DYNC1H1: variants seen among roughly 807,000 people sequenced by gnomAD.
DYNC1H1 encodes the protein dynein cytoplasmic 1 heavy chain 1, also known as cytoplasmic dynein 1 heavy chain 1.
In DYNC1H1, 51 loss-of-function variants were observed where a neutral mutation model predicts 527.1. The observed-to-expected ratio is 0.10, with a 90% CI of 0.08 to 0.12. The LOEUF is 0.12. DYNC1H1 is among the 10% of genes least tolerant of loss of function. The pLI, the probability that DYNC1H1 is intolerant of heterozygous loss-of-function variation, is 1.00. For missense variants in DYNC1H1, 2,771 were observed against 5,971.8 expected (o/e 0.46, Z 17.66); for synonymous variants, 2,189 against 2,278.8 (o/e 0.96, Z 1.12).
In DYNC1H1 at chr14:102,011,754, G is replaced by GAAAA; in HGVS notation, c.6619-111_6619-108dup. On this transcript the variant is annotated intron_variant, in intron 32 of 77. Coordinates refer to ENST00000360184, the MANE Select transcript of DYNC1H1 (RefSeq NM_001376.5). This position sits in a 1 kb window ranked among gnomAD's most constrained non-coding sequence, Gnocchi z 5.3. ...GTGACAGAGAGAGACTCCGTTTCAG[G>GAAAA]AAAAAAAAAAAAATCCACACATAAT... 1 of 954,400 alleles carries GAAAA rather than the reference G, an allele frequency of 1.0e-6. No individual in the cohort carries two copies. Among genetic ancestry groups the GAAAA allele is most frequent in the Non-Finnish European group, 1.6e-6 (1 of 639,948 alleles). The allele number at this position is 954,400 out of a possible 1,614,324, so 59.1% of individuals were successfully genotyped here.
rs1338673047 is a variant in DYNC1H1, at chr14:101,979,040, G to C, written c.345-279G>C. 6.6e-6 allele frequency among the ~76,000 whole-genome samples: 1 copy of C among 152,206 alleles called. No homozygotes were observed. The highest frequency in any genetic ancestry group is 2.4e-5 in the African/African-American group (1 of 41,444). On this transcript the variant is annotated intron_variant, in intron 2 of 77. Transcript: ENST00000360184. The surrounding 1 kb of genome is among the most constrained non-coding windows in gnomAD (Gnocchi z 4.6). ...AATGTTACACATTAGTGTAAGATCA[G>C]ATTTAAGTACTACTTATATTTCTAG...
intron 9 of DYNC1H1, among the ~76,000 whole-genome samples, chr14:101,988,065 TCA>T (rs963105024): frequency 6.6e-6 from 1 of 151,568 alleles, no homozygotes; most frequent in Non-Finnish European, 1.5e-5. Context: ...TGAGACCCTG[TCA>T]CACACACACA....
In DYNC1H1 at chr14:102,052,536, G is replaced by C. The variant is rs1317537515; in HGVS notation, c.*1973G>C. On this transcript the variant is annotated 3_prime_UTR_variant, in exon 78 of 78. Transcript: ENST00000360184. The stretch of plus-strand genomic sequence containing the variant: ...GACTGAGTCTGCTCACCTTGGATTA[G>C]GCCACCTACTGCTTCTTCCTCTTCC... The C allele has an allele frequency of 2.6e-5, 4 of 152,306 alleles. No homozygotes were observed. Among genetic ancestry groups the C allele is most frequent in the Admixed American group, 1.3e-4 (2 of 15,284 alleles). The allele number at this position is 152,306 out of a possible 1,614,324, so 9.4% of individuals were successfully genotyped here.
chr14:102,020,450 C>T lies in DYNC1H1; in HGVS notation c.8507+394C>T, dbSNP rs549206420. On this transcript the variant is annotated intron_variant, in intron 42 of 77. Transcript: ENST00000360184. This position sits in a 1 kb window ranked among gnomAD's most constrained non-coding sequence, Gnocchi z 4.3. ...GCTGCCTGTGATAACCTTACCAGAG[C>T]ACGGGTTCACTGCTGAGTTAAAAGG... 2.6e-5 allele frequency among the ~76,000 whole-genome samples: 4 copies of T among 152,090 alleles called. No individual in the cohort carries two copies. Among genetic ancestry groups the T allele is most frequent in the Non-Finnish European group, 4.4e-5 (3 of 68,032 alleles).
chr14:102,044,445 T>C lies in DYNC1H1; in HGVS notation c.12856T>C (p.Cys4286Arg), dbSNP rs1219670708. 3.1e-6 allele frequency: 5 copies of C among 1,614,210 alleles called. No homozygotes were observed. The highest frequency in any genetic ancestry group is 4.2e-6 in the Non-Finnish European group (5 of 1,180,044). ...TTTCGACAGTGAGTTTAAGCTGGCATGCAAGGTCGACGGACATAAAGACAT... is the reference window on the plus strand; with the variant it reads ...TTTCGACAGTGAGTTTAAGCTGGCACGCAAGGTCGACGGACATAAAGACAT... ...RSFDSEFKLACKVDGHKDIQM... is the reference protein window; with the variant it reads ...RSFDSEFKLARKVDGHKDIQM... The change falls in exon 71 of 78, where the codon TGC becomes CGC. Residue 4286 changes from cysteine to arginine, a missense_variant. Coordinates refer to ENST00000360184, the MANE Select transcript of DYNC1H1 (RefSeq NM_001376.5). The surrounding 1 kb of genome is among the most constrained non-coding windows in gnomAD (Gnocchi z 7.1).
intron 7 of DYNC1H1, among the ~76,000 whole-genome samples, chr14:101,984,443 A>AT (rs1566998423): frequency 1.5e-4 from 17 of 113,472 alleles, no homozygotes; most frequent in South Asian, 7.7e-4. Context: ...ATATATATAT[A>AT]TATTATATTT....
chr14:102,030,714 C>T, intron 51 of DYNC1H1: 1 of 255,348 alleles, frequency 3.9e-6, no homozygotes, highest in South Asian at 4.5e-5. Flanking sequence ...ATAGCAGTCA[C>T]TTCTCTTTTT....
At position 102,017,219 on chromosome 14, in the gene DYNC1H1, G is replaced by A; in HGVS notation, c.7980G>A (p.Val2660=). The A allele has an allele frequency of 6.2e-7, 1 of 1,614,252 alleles. No individual in the cohort carries two copies. Among genetic ancestry groups the A allele is most frequent in the Non-Finnish European group, 8.5e-7 (1 of 1,180,052 alleles). ...CTGTTCAACTTGGAAAGTGGCTGGT[G>A]TTGTTCTGTGATGAAATCAACTTGC... The part of the protein sequence containing the change: ...LAPVQLGKWL[V]LFCDEINLPD... The change falls in exon 39 of 78, where the codon GTG becomes GTA. Residue 2660 remains valine (V), a synonymous_variant. Coordinates refer to ENST00000360184, the MANE Select transcript of DYNC1H1 (RefSeq NM_001376.5). This position sits in a 1 kb window ranked among gnomAD's most constrained non-coding sequence, Gnocchi z 4.6.
Position 101,979,181 on chromosome 14 carries a change from CAT to C in DYNC1H1, c.345-137_345-136del, listed in dbSNP as rs1207170415. 1.5e-5 allele frequency: 12 copies of C among 825,802 alleles called. No individual in the cohort carries two copies. Among genetic ancestry groups the C allele is most frequent in the Admixed American group, 2.5e-5 (1 of 40,326 alleles). 51.2% of individuals were successfully genotyped at this position (825,802 alleles called of 1,614,324 possible). A position where few individuals can be genotyped will look rare whatever the true frequency, so the allele number is the denominator to read the frequency against. Reference sequence around the variant, plus strand: ...ACCATAACCTTGATTCAGTAGCTCTCATGTACTAAAGAAAGACAAGCAGTGCA... The same window carrying C: ...ACCATAACCTTGATTCAGTAGCTCTCGTACTAAAGAAAGACAAGCAGTGCA... On this transcript the variant is annotated intron_variant, in intron 2 of 77. Coordinates refer to ENST00000360184, the MANE Select transcript of DYNC1H1 (RefSeq NM_001376.5). The surrounding 1 kb of genome is among the most constrained non-coding windows in gnomAD (Gnocchi z 4.6).
At position 102,041,727 on chromosome 14, in the gene DYNC1H1, G is replaced by A. The variant is rs1406226969; in HGVS notation, c.12095G>A (p.Gly4032Asp). The A allele has an allele frequency of 6.2e-7, 1 of 1,614,064 alleles. No individual in the cohort carries two copies. Among genetic ancestry groups the A allele is most frequent in the Non-Finnish European group, 8.5e-7 (1 of 1,180,040 alleles). ...EQPLDLTHIV[G>D]TEVKPNTPVL... ...CCGCTCGACCTGACCCACATTGTGG[G>A]CACAGAGGTAATGTCCTGGTACAGC... The change falls in exon 65 of 78, where the codon GGC becomes GAC. Residue 4032 changes from glycine (G) to aspartate (D), a missense_variant. By Grantham distance (94) the Gly-to-Asp change is moderately conservative. Around this residue, in one of 32 missense-constraint regions of DYNC1H1, gnomAD observed 195 missense variants for 428.6 expected, o/e 0.45. Coordinates refer to ENST00000360184, the MANE Select transcript of DYNC1H1 (RefSeq NM_001376.5). This position sits in a 1 kb window ranked among gnomAD's most constrained non-coding sequence, Gnocchi z 4.5.
intron 64 of DYNC1H1, 39 bp downstream of exon 64, chr14:102,040,712 A>T (rs759830591): frequency 6.2e-7 from 1 of 1,612,808 alleles, no homozygotes; most frequent in African/African-American, 1.3e-5. Context: ...ACCTGAATGT[A>T]AAGTTGGGTT....
At position 102,039,339 on chromosome 14, in the gene DYNC1H1, GC is replaced by G; in HGVS notation, c.11461-72del. On this transcript the variant is annotated intron_variant, in intron 60 of 77. Transcript: ENST00000360184. This position sits in a 1 kb window ranked among gnomAD's most constrained non-coding sequence, Gnocchi z 7.0. ...AGAGGCTGGCGGGCCCTGCACAGTAGCTCCTTGGCCACGCAGAAGTTCAGCG... is the reference window on the plus strand; with the variant it reads ...AGAGGCTGGCGGGCCCTGCACAGTAGTCCTTGGCCACGCAGAAGTTCAGCG... 1 of 1,612,894 alleles carries G rather than the reference GC, an allele frequency of 6.2e-7. No homozygotes were observed. The highest frequency in any genetic ancestry group is 8.5e-7 in the Non-Finnish European group (1 of 1,180,024).
chr14:102,050,889 T>G lies in DYNC1H1; in HGVS notation c.*326T>G. On this transcript the variant is annotated 3_prime_UTR_variant, in exon 78 of 78. Transcript: ENST00000360184. Reference sequence around the variant, plus strand: ...GGGCAGCCCACGGCAGCCATGCCCCTCCCCACCTCGCTTTCATCATGAGCT... The same window carrying G: ...GGGCAGCCCACGGCAGCCATGCCCCGCCCCACCTCGCTTTCATCATGAGCT... 1 of 379,970 alleles carries G rather than the reference T, an allele frequency of 2.6e-6. No individual in the cohort carries two copies. The highest frequency in any genetic ancestry group is 8.9e-4 in the Middle Eastern group (1 of 1,118). 23.5% of individuals were successfully genotyped at this position (379,970 alleles called of 1,614,324 possible).
intron 52 of DYNC1H1, 129 bp from the exon 53 acceptor site, chr14:102,032,936 C>T (rs1382624798): frequency 1.1e-6 from 1 of 920,916 alleles, no homozygotes; most frequent in Non-Finnish European, 1.8e-6. Flanking sequence ...CAGTCTAGCT[C>T]ATCCCCAGTG....
chr14:102,049,300 G>A lies in DYNC1H1; in HGVS notation c.13373-140G>A, dbSNP rs953173311. 10 of 1,250,008 alleles carry A rather than the reference G, an allele frequency of 8.0e-6. No homozygotes were observed. Among genetic ancestry groups the A allele is most frequent in the Non-Finnish European group, 1.1e-5 (10 of 882,976 alleles). The allele number at this position is 1,250,008 out of a possible 1,614,324, so 77.4% of individuals were successfully genotyped here. On this transcript the variant is annotated intron_variant, in intron 74 of 77. Transcript: ENST00000360184. This position sits in a 1 kb window ranked among gnomAD's most constrained non-coding sequence, Gnocchi z 5.5. ...GAGGGCGGCGCCAGGGGCATAAAGT[G>A]CAGCCTGGGAAAGGCAGTAGGTGGA...
chr14:102,022,710 G>A, intron 42 of DYNC1H1, 41 bp from the exon 43 acceptor site: 1 of 1,613,606 alleles, frequency 6.2e-7, no homozygotes, highest in East Asian at 2.2e-5. Context: ...TCTTCACCGT[G>A]CCCTCTAGTT....
chr14:101,973,697 G>A (rs1363949336), intron 1 of DYNC1H1, among the ~76,000 whole-genome samples: 1 of 152,138 alleles, frequency 6.6e-6, no homozygotes, highest in Admixed American at 6.6e-5. Flanking sequence ...CCAGCTCTTT[G>A]GGAGGCTGAG....
intron 16 of DYNC1H1, among the ~76,000 whole-genome samples, chr14:101,998,024 A>G (rs1160544751): frequency 6.6e-6 from 1 of 152,250 alleles, no homozygotes; most frequent in Non-Finnish European, 1.5e-5. Flanking sequence ...TGATGTAGAT[A>G]ACAGTGTGTG....
rs2047652590 is a variant in DYNC1H1 at position 101,965,249 on chromosome 14, C to T, written c.256+302C>T. On this transcript the variant is annotated intron_variant, in intron 1 of 77. Coordinates refer to ENST00000360184, the MANE Select transcript of DYNC1H1 (RefSeq NM_001376.5). This position sits in a 1 kb window ranked among gnomAD's most constrained non-coding sequence, Gnocchi z 4.1. ...GGAGGGGAAAGGGGTCCCCGTCTGC[C>T]GTCACCCAAAACAATGGGGTCGCTT... 6.6e-6 allele frequency among the ~76,000 whole-genome samples: 1 copy of T among 152,178 alleles called. No individual in the cohort carries two copies. Among genetic ancestry groups the T allele is most frequent in the African/African-American group, 2.4e-5 (1 of 41,462 alleles).
Sources: gnomAD v4.1 joint callset for allele counts (sites outside exome capture counted in the v4.1 genomes callset) on GRCh38, gnomAD v4.1.1 for gene constraint, gnomAD v4.1.1 regional missense constraint, Gnocchi (gnomAD v3.1) non-coding constraint, MANE v1.5 for transcripts, NCBI Gene and HGNC (gene_info 2026-07-23, HGNC 2026-07-21) for gene names.